The following PTPRR variants were observed in gnomAD, a reference collection of about 807,000 sequenced individuals.
PTPRR encodes the protein protein tyrosine phosphatase receptor type R.
PTPRR carries 38 observed loss-of-function variants against 77.2 expected under a neutral mutation model. That is an observed-to-expected ratio of 0.49 (90% CI 0.38 to 0.65). The LOEUF (loss-of-function observed/expected upper bound fraction) is 0.65, where lower values mean the gene tolerates loss of function less well. Among genes scored for constraint, PTPRR ranks in the 30% least tolerant of loss-of-function variants. The pLI, the probability that PTPRR is intolerant of heterozygous loss-of-function variation, is 0.00. For synonymous variants in PTPRR, 299 were observed against 283.1 expected, an observed-to-expected ratio of 1.06 and a Z score of -0.57; for missense variants, 744 against 799.2, an observed-to-expected ratio of 0.93 and a Z score of 0.83.
At chr12:70,677,328 G>A (rs1336507411) in intron 10 of PTPRR, among the ~76,000 whole-genome samples, 1 of 152,028 alleles carries the variant, frequency 6.6e-6, no homozygotes, top group Non-Finnish European at 1.5e-5. Context: ...GCAGTCTTTA[G>A]GGTTTTCCAT....
chr12:70,885,322 T>C (rs998057642), intron 2 of PTPRR, among the ~76,000 whole-genome samples: 11 of 152,286 alleles, frequency 7.2e-5, no homozygotes, highest in Admixed American at 3.3e-4. Context: ...TGAAAGCTAC[T>C]ATACAATGAA....
chr12:70,639,061 T>A lies in PTPRR; in HGVS notation c.*123A>T, dbSNP rs1885884011. 1 of 772,434 alleles carries A rather than the reference T, an allele frequency of 1.3e-6. No individual in the cohort carries two copies. Among genetic ancestry groups the A allele is most frequent in the Admixed American group, 2.3e-5 (1 of 44,300 alleles). The allele number at this position is 772,434 out of a possible 1,614,324, so 47.8% of individuals were successfully genotyped here. ...ATGTTGCCCAGTCTTCCACAATCCA[T>A]GCCATACATGGGCTTCAGAGCTTCT... On this transcript the variant is annotated 3_prime_UTR_variant, in exon 14 of 14. Coordinates refer to ENST00000283228, the MANE Select transcript of PTPRR (RefSeq NM_002849.4).
chr12:70,811,381 TCTG>T (rs1891805771), intron 2 of PTPRR, among the ~76,000 whole-genome samples: 1 of 152,230 alleles, frequency 6.6e-6, no homozygotes, highest in Admixed American at 6.5e-5. Context: ...ATATTTGTAG[TCTG>T]GCTGGTTAAA....
In PTPRR at chr12:70,793,074, G is replaced by A. The variant is rs116772318; in HGVS notation, c.358-28296C>T. Among the ~76,000 whole-genome samples, 1,102 of 152,292 alleles carry A rather than the reference G, an allele frequency of 7.2e-3. 9 individuals carry two copies. Among genetic ancestry groups the A allele is most frequent in the African/African-American group, 0.025 (1,051 of 41,548 alleles). ...AAGAAGGGATGAGACAATGTTGAAT[G>A]TGAAGCCTGCAGTACAGATCATCAT... On this transcript the variant is annotated intron_variant, in intron 2 of 13. Transcript: ENST00000283228.
chr12:70,668,529 C>T (rs897184899), intron 10 of PTPRR, among the ~76,000 whole-genome samples: 1 of 152,112 alleles, frequency 6.6e-6, no homozygotes, highest in Non-Finnish European at 1.5e-5. Context: ...ACTTTTTAAG[C>T]TAATTATAAA....
chr12:70,678,240 C>T (rs767683284), intron 10 of PTPRR, among the ~76,000 whole-genome samples: 14 of 152,162 alleles, frequency 9.2e-5, no homozygotes, highest in Non-Finnish European at 1.6e-4. Flanking sequence ...AGGGTTTCAC[C>T]ATGTTGGCTG....
chr12:70,684,082 G>A, intron 10 of PTPRR, 45 bp downstream of exon 10: 1 of 1,587,756 alleles, frequency 6.3e-7, no homozygotes, highest in Non-Finnish European at 8.6e-7. Flanking sequence ...CTCTTCTATA[G>A]CAACAGAACA....
At chr12:70,754,686 G>T in intron 4 of PTPRR, 1 of 1,596,578 alleles carries the variant, frequency 6.3e-7, no homozygotes, top group Non-Finnish European at 8.5e-7. Context: ...TCAGCACCCT[G>T]GATTACGTGC....
chr12:70,729,134 T>C (rs897325592), intron 6 of PTPRR, among the ~76,000 whole-genome samples: 66 of 152,232 alleles, frequency 4.3e-4, no homozygotes, highest in African/African-American at 1.5e-3. Flanking sequence ...ATACAGATTA[T>C]AGAAATATAT....
At chr12:70,919,673 GTT>G (rs58439089) in intron 1 of PTPRR, among the ~76,000 whole-genome samples, 2 of 110,084 alleles carry the variant, frequency 1.8e-5, no homozygotes, top group African/African-American at 3.1e-5. Context: ...AACTGTAATT[GTT>G]TTTTTTTTTT....
At chr12:70,838,921 A>C (rs1892349297) in intron 2 of PTPRR, among the ~76,000 whole-genome samples, 1 of 152,160 alleles carries the variant, frequency 6.6e-6, no homozygotes, top group Non-Finnish European at 1.5e-5. Flanking sequence ...CCAAGTGTCC[A>C]CTGAACATAT....
At chr12:70,645,297 A>T (rs993495250) in intron 13 of PTPRR, among the ~76,000 whole-genome samples, 2 of 152,222 alleles carry the variant, frequency 1.3e-5, no homozygotes, top group Non-Finnish European at 2.9e-5. Context: ...GTATTTAGGT[A>T]TTTATCTAAT....
intron 2 of PTPRR, among the ~76,000 whole-genome samples, chr12:70,828,904 T>C (rs1233981445): frequency 6.6e-6 from 1 of 152,172 alleles, no homozygotes; most frequent in Admixed American, 6.5e-5. Context: ...TATTTACTCA[T>C]TTGAAATAAA....
intron 6 of PTPRR, among the ~76,000 whole-genome samples, chr12:70,732,856 G>A (rs1011274943): frequency 6.6e-6 from 1 of 151,638 alleles, no homozygotes; most frequent in African/African-American, 2.4e-5. Context: ...ACTATGCCCG[G>A]CGCATCATCT....
intron 2 of PTPRR, among the ~76,000 whole-genome samples, chr12:70,852,109 G>A (rs1426050139): frequency 1.3e-5 from 2 of 152,116 alleles, no homozygotes; most frequent in African/African-American, 4.8e-5. Flanking sequence ...GAAGGGAAGG[G>A]AGCTGAAGGG....
chr12:70,694,748 G>A (rs536000901), intron 8 of PTPRR, among the ~76,000 whole-genome samples: 1 of 152,112 alleles, frequency 6.6e-6, no homozygotes, highest in African/African-American at 2.4e-5. Flanking sequence ...AGCCCAAACG[G>A]CAGCATCACA....
In PTPRR at chr12:70,823,126, CA is replaced by C. The variant is rs1892050340; in HGVS notation, c.358-58349del. 4.0e-5 allele frequency among the ~76,000 whole-genome samples: 6 copies of C among 150,662 alleles called. No individual in the cohort carries two copies. The South Asian group carries it at 1.3e-3, about 32-fold the overall frequency. The stretch of plus-strand genomic sequence containing the variant: ...TCTCTCTGACACACACACACACACA[CA>C]CACACACACACACACACACACACAC... On this transcript the variant is annotated intron_variant, in intron 2 of 13. Coordinates refer to ENST00000283228, the MANE Select transcript of PTPRR (RefSeq NM_002849.4).
At chr12:70,778,137 AT>A (rs1211693377) in intron 2 of PTPRR, among the ~76,000 whole-genome samples, 5 of 152,146 alleles carry the variant, frequency 3.3e-5, no homozygotes, top group African/African-American at 4.8e-5. Context: ...TTGTGAATAT[AT>A]TTGTGGTGCT....
chr12:70,754,803 T>G, intron 4 of PTPRR: 1 of 1,425,248 alleles, frequency 7.0e-7, no homozygotes, highest in Non-Finnish European at 9.3e-7. Context: ...TTCTTTCTTT[T>G]AATCACATCT....
Sources: allele counts gnomAD v4.1 joint callset (sites outside exome capture counted in the v4.1 genomes callset), GRCh38; gene constraint gnomAD v4.1.1; transcripts MANE v1.5; gene names NCBI Gene and HGNC (gene_info 2026-07-23, HGNC 2026-07-21).